Variants in ZNF98 observed in about 807,000 individuals in gnomAD.
ZNF98 encodes zinc finger protein 739.
Under a neutral mutation model 12.8 loss-of-function variants are expected in ZNF98, and 8 were observed. The observed-to-expected ratio is 0.63, with a 90% CI of 0.37 to 1.13. The LOEUF is 1.13. Ranked by LOEUF, ZNF98 falls within the 50% of genes most tolerant of loss-of-function variation. The probability of loss-of-function intolerance (pLI) is 0.01; values close to 1 mark genes in which losing one functional copy is unlikely to be tolerated. For missense variants in ZNF98, 379 were observed against 666.1 expected (o/e 0.57, Z 4.74); for synonymous variants, 112 against 223.5 (o/e 0.50, Z 4.45).
chr19:22,401,545 G>T (rs1969457298), intron 3 of ZNF98, among the ~76,000 whole-genome samples: 1 of 150,104 alleles, frequency 6.7e-6, no homozygotes, highest in South Asian at 2.1e-4. Context: ...GTGTAGTGGT[G>T]CAATCTCAGC....
intron 1 of ZNF98, among the ~76,000 whole-genome samples, chr19:22,403,878 T>G (rs1969489478): frequency 6.6e-6 from 1 of 152,262 alleles, no homozygotes; most frequent in African/African-American, 2.4e-5. Context: ...ACTGCTCACA[T>G]GTTAATGTGT....
chr19:22,417,035 G>A (rs1969651618), intron 1 of ZNF98, among the ~76,000 whole-genome samples: 1 of 152,102 alleles, frequency 6.6e-6, no homozygotes, highest in Admixed American at 6.5e-5. Context: ...TTCCAGACCA[G>A]CCTGACCAAC....
At chr19:22,400,023 G>A (rs1336498455) in intron 3 of ZNF98, among the ~76,000 whole-genome samples, 1 of 152,156 alleles carries the variant, frequency 6.6e-6, no homozygotes, top group African/African-American at 2.4e-5. Context: ...TCAGAAGGCA[G>A]GCTTTCATTC....
chr19:22,419,393 G>A (rs984813176), intron 1 of ZNF98, among the ~76,000 whole-genome samples: 1 of 152,104 alleles, frequency 6.6e-6, no homozygotes, highest in Non-Finnish European at 1.5e-5. Flanking sequence ...TTCCATGGCT[G>A]GGGGTGAGCA....
At chr19:22,398,816 T>C (rs1416354409) in intron 3 of ZNF98, among the ~76,000 whole-genome samples, 1 of 152,180 alleles carries the variant, frequency 6.6e-6, no homozygotes, top group African/African-American at 2.4e-5. Flanking sequence ...AATATGTTTA[T>C]TATTAAACAC....
At chr19:22,398,238 C>T (rs2145110362) in intron 3 of ZNF98, among the ~76,000 whole-genome samples, 1 of 152,188 alleles carries the variant, frequency 6.6e-6, no homozygotes, top group Non-Finnish European at 1.5e-5. Context: ...CAGTTATACT[C>T]TTAGAAACAG....
chr19:22,421,997 C>A (rs982838401), intron 1 of ZNF98, among the ~76,000 whole-genome samples, 198 bp downstream of exon 1: 1 of 152,134 alleles, frequency 6.6e-6, no homozygotes, highest in African/African-American at 2.4e-5. Flanking sequence ...AGGGAAGAGA[C>A]AGGACGCCCG....
intron 1 of ZNF98, among the ~76,000 whole-genome samples, chr19:22,418,629 A>G (rs1021759542): frequency 6.6e-6 from 1 of 152,252 alleles, no homozygotes; most frequent in African/African-American, 2.4e-5. Context: ...CTGTAATCCC[A>G]GAACTTTGAG....
At chr19:22,413,085 A>T (rs185102641) in intron 1 of ZNF98, among the ~76,000 whole-genome samples, 93 of 151,878 alleles carry the variant, frequency 6.1e-4, no homozygotes, top group East Asian at 9.7e-4. Context: ...AAAATAAAAA[A>T]AAATAATAAT....
chr19:22,415,931 TA>T (rs35543907), intron 1 of ZNF98, among the ~76,000 whole-genome samples: 42,668 of 96,720 alleles, frequency 0.44, 8,674 homozygotes, highest in Non-Finnish European at 0.51. Flanking sequence ...CGTTCCTACT[TA>T]AAAAAAAAAA....
chr19:22,399,582 C>CT (rs1265429080), intron 3 of ZNF98, among the ~76,000 whole-genome samples: 1 of 152,134 alleles, frequency 6.6e-6, no homozygotes, highest in Non-Finnish European at 1.5e-5. Flanking sequence ...AAAATCCTGT[C>CT]TTTTTTTGCC....
At chr19:22,400,932 G>A (rs1264164403) in intron 3 of ZNF98, among the ~76,000 whole-genome samples, 2 of 129,456 alleles carry the variant, frequency 1.5e-5, no homozygotes, top group East Asian at 4.4e-4. Context: ...CAGTCTCAGC[G>A]ACAGAGTGAG....
At position 22,421,439 on chromosome 19, in the gene ZNF98, CTG is replaced by C. The variant is rs1053994940; in HGVS notation, c.30+754_30+755del. Among the ~76,000 whole-genome samples, 65 of 152,234 alleles carry C rather than the reference CTG, an allele frequency of 4.3e-4. 1 individual carries two copies. The highest frequency in any genetic ancestry group is 7.9e-4 in the Admixed American group (12 of 15,280). ...TCAGTCCCACGTGGCGGCAAATAGA[CTG>C]AGGTGGCTCCAATCCCTGGATTCCT... On this transcript the variant is annotated intron_variant, in intron 1 of 3. Coordinates refer to ENST00000357774, the MANE Select transcript of ZNF98 (RefSeq NM_001098626.2).
At chr19:22,418,834 G>A (rs1328106332) in intron 1 of ZNF98, among the ~76,000 whole-genome samples, 1 of 152,114 alleles carries the variant, frequency 6.6e-6, no homozygotes, top group Non-Finnish European at 1.5e-5. Flanking sequence ...GTGAGTGATC[G>A]CACCACTGCA....
chr19:22,412,347 C>G (rs544768257), intron 1 of ZNF98, among the ~76,000 whole-genome samples: 1 of 152,136 alleles, frequency 6.6e-6, no homozygotes, highest in East Asian at 1.9e-4. Context: ...GAAATTAAGG[C>G]AAGAACCAAG....
At chr19:22,410,389 G>A (rs1969567933) in intron 1 of ZNF98, among the ~76,000 whole-genome samples, 1 of 152,090 alleles carries the variant, frequency 6.6e-6, no homozygotes, top group Non-Finnish European at 1.5e-5. Flanking sequence ...ATAAAATATG[G>A]TACATACACA....
intron 1 of ZNF98, among the ~76,000 whole-genome samples, chr19:22,404,130 G>C (rs1346910097): frequency 6.6e-6 from 1 of 152,228 alleles, no homozygotes; most frequent in African/African-American, 2.4e-5. Flanking sequence ...TGAGGCAGGA[G>C]AATGGCATGA....
chr19:22,420,339 T>A (rs1599392655), intron 1 of ZNF98, among the ~76,000 whole-genome samples: 1 of 152,272 alleles, frequency 6.6e-6, no homozygotes, highest in South Asian at 2.1e-4. Context: ...ACTTTGCAAG[T>A]TTTTGTACTA....
In ZNF98 at chr19:22,402,191, A is replaced by G. The variant is rs568271851; in HGVS notation, c.253+598T>C. ...ACTCCATCTCAAAAAAAAAAAAAAA[A>G]AAAAGAAAGAGAAAAAGAAAATACA... is the stretch of plus-strand genomic sequence containing the variant. On this transcript the variant is annotated intron_variant, in intron 3 of 3. Transcript: ENST00000357774. 1.2e-4 allele frequency among the ~76,000 whole-genome samples: 18 copies of G among 150,682 alleles called. No homozygotes were observed. The South Asian group carries it at 1.3e-3, about 11-fold the overall frequency.
Sources: gnomAD v4.1 joint callset for allele counts (sites outside exome capture counted in the v4.1 genomes callset) on GRCh38, gnomAD v4.1.1 for gene constraint, MANE v1.5 for transcripts, NCBI Gene and HGNC (gene_info 2026-07-23, HGNC 2026-07-21) for gene names.